Variants in DENND1A observed in about 807,000 individuals in gnomAD.
The protein encoded by DENND1A is DENN domain-containing protein 1A.
A neutral mutation model predicts 113.7 loss-of-function variants in DENND1A; 51 were observed. The observed-to-expected ratio is 0.45, with a 90% CI of 0.36 to 0.57. The LOEUF is 0.57. Ranked by LOEUF, DENND1A falls within the 20% of genes least tolerant of loss-of-function variation. The pLI is 0.00. For missense variants in DENND1A, 1,258 were observed against 1,395.9 expected (o/e 0.90, Z 1.57); for synonymous variants, 565 against 570.8 (o/e 0.99, Z 0.14).
intron 13 of DENND1A, among the ~76,000 whole-genome samples, chr9:123,511,675 C>T (rs752676605): frequency 5.3e-5 from 8 of 152,192 alleles, no homozygotes; most frequent in African/African-American, 7.2e-5. Flanking sequence ...CATTGAAAAA[C>T]GTGACTGATG....
chr9:123,797,870 C>A (rs1212925631), intron 2 of DENND1A, among the ~76,000 whole-genome samples: 1 of 151,714 alleles, frequency 6.6e-6, no homozygotes, highest in South Asian at 2.1e-4. Context: ...AAAAATTACT[C>A]TTTTCAAAAA....
intron 9 of DENND1A, among the ~76,000 whole-genome samples, chr9:123,634,277 T>C (rs1476216465): frequency 6.6e-6 from 1 of 152,242 alleles, no homozygotes; most frequent in Non-Finnish European, 1.5e-5. Context: ...GTGGGTTTTC[T>C]AAGGGCCAAA....
intron 19 of DENND1A, among the ~76,000 whole-genome samples, chr9:123,415,041 G>A (rs2044609918): frequency 6.6e-6 from 1 of 152,158 alleles, no homozygotes; most frequent in East Asian, 1.9e-4. Context: ...TGGCTGTTTT[G>A]CAACTGAATT....
intron 2 of DENND1A, among the ~76,000 whole-genome samples, chr9:123,848,162 A>C (rs188814238): frequency 7.3e-5 from 11 of 150,972 alleles, no homozygotes; most frequent in African/African-American, 2.4e-4. Flanking sequence ...AACATGCAAA[A>C]ATTTCTCAGA....
intron 2 of DENND1A, chr9:123,798,196 T>G (rs756037148): frequency 5.3e-5 from 8 of 152,182 alleles, no homozygotes; most frequent in Non-Finnish European, 1.0e-4. Context: ...TAGGAACAGT[T>G]AACCATCAAC....
At chr9:123,902,161 TCACA>T in intron 1 of DENND1A, among the ~76,000 whole-genome samples, 1 of 128,240 alleles carries the variant, frequency 7.8e-6, no homozygotes, top group East Asian at 2.1e-4. Context: ...TACTCATGGG[TCACA>T]CACACACATA....
rs1171815064 is a variant in DENND1A, at chr9:123,382,021, TGGG to T, written c.2621_2623del (p.Pro874del). 3 of 868,064 alleles carry T rather than the reference TGGG, an allele frequency of 3.5e-6. No individual in the cohort carries two copies. The highest frequency in any genetic ancestry group is 4.8e-5 in the South Asian group (2 of 41,520). 53.8% of individuals were successfully genotyped at this position (868,064 alleles called of 1,614,324 possible). A position where few individuals can be genotyped will look rare whatever the true frequency, so the allele number is the denominator to read the frequency against. On this transcript the variant is annotated inframe_deletion, in exon 24 of 24. Coordinates refer to ENST00000394215, the MANE Select transcript of DENND1A (RefSeq NM_001352964.2). ...TGTCCCTGCAGGGGGGAAGCTGAAT[TGGG>T]GGGTGAATGGGGTGGCTACATTCGG...
chr9:123,869,278 A>G (rs1262966799), intron 2 of DENND1A, among the ~76,000 whole-genome samples: 1 of 152,344 alleles, frequency 6.6e-6, no homozygotes, highest in South Asian at 2.1e-4. Context: ...ACCAAAGCAT[A>G]CAAGTGCAAG....
chr9:123,386,749 C>T (rs1227280105), intron 22 of DENND1A, among the ~76,000 whole-genome samples: 1 of 152,164 alleles, frequency 6.6e-6, no homozygotes, highest in Non-Finnish European at 1.5e-5. Context: ...CAGTGACCTG[C>T]TGGCAGGAAA....
chr9:123,739,303 A>T (rs955506705), intron 5 of DENND1A, among the ~76,000 whole-genome samples: 3 of 152,182 alleles, frequency 2.0e-5, no homozygotes, highest in Non-Finnish European at 4.4e-5. Context: ...AGAAAGACAG[A>T]GAGGGAAAAT....
intron 5 of DENND1A, among the ~76,000 whole-genome samples, chr9:123,697,974 T>A (rs1401768576): frequency 6.6e-6 from 1 of 152,222 alleles, no homozygotes; most frequent in Non-Finnish European, 1.5e-5. Flanking sequence ...CCACTTTTGC[T>A]GTCAACAACA....
At chr9:123,795,222 G>C (rs981760271) in intron 2 of DENND1A, among the ~76,000 whole-genome samples, 2 of 152,172 alleles carry the variant, frequency 1.3e-5, no homozygotes, top group African/African-American at 4.8e-5. Context: ...CATTCAATTA[G>C]CTCAAAGATT....
At chr9:123,390,999 C>T (rs953243935) in intron 21 of DENND1A, among the ~76,000 whole-genome samples, 9 of 152,374 alleles carry the variant, frequency 5.9e-5, no homozygotes, top group Middle Eastern at 3.4e-3. Flanking sequence ...GGAACCTCTG[C>T]GCTGGGCTGT....
At chr9:123,706,598 G>A (rs1475367336) in intron 5 of DENND1A, among the ~76,000 whole-genome samples, 4 of 150,848 alleles carry the variant, frequency 2.7e-5, no homozygotes, top group African/African-American at 7.3e-5. Context: ...AGCGAAACCC[G>A]GTCTCTACTA....
At chr9:123,919,831 G>A (rs922319101) in intron 1 of DENND1A, among the ~76,000 whole-genome samples, 23 of 147,630 alleles carry the variant, frequency 1.6e-4, no homozygotes, top group Admixed American at 1.4e-4. Flanking sequence ...GCAGCGTGCC[G>A]AGATTGCATC....
At chr9:123,866,434 C>T (rs796808150) in intron 2 of DENND1A, among the ~76,000 whole-genome samples, 2 of 152,288 alleles carry the variant, frequency 1.3e-5, no homozygotes, top group African/African-American at 4.8e-5. Context: ...TCTACATTTT[C>T]TGAAAAAGAA....
At position 123,557,543 on chromosome 9, in the gene DENND1A, G is replaced by A. The variant is rs762454389; in HGVS notation, c.993+27C>T. 62 of 1,612,124 alleles carry A rather than the reference G, an allele frequency of 3.8e-5. No homozygotes were observed. The Admixed American group carries it at 1.0e-3, about 26-fold the overall frequency. ...GCTTCTCAGCCCTGACCAAACACAGGCTCTGTGACATGCCAAGGCTACTCA... is the reference window on the plus strand; with the variant it reads ...GCTTCTCAGCCCTGACCAAACACAGACTCTGTGACATGCCAAGGCTACTCA... On this transcript the variant is annotated intron_variant, in intron 13 of 23. Coordinates refer to ENST00000394215, the MANE Select transcript of DENND1A (RefSeq NM_001352964.2).
intron 13 of DENND1A, among the ~76,000 whole-genome samples, chr9:123,492,341 G>C (rs1437587007): frequency 6.6e-6 from 1 of 152,206 alleles, no homozygotes; most frequent in African/African-American, 2.4e-5. Context: ...AGAGAGGGAG[G>C]GAAGCGTGTG....
At chr9:123,856,430 G>C (rs1052286312) in intron 2 of DENND1A, among the ~76,000 whole-genome samples, 5 of 152,136 alleles carry the variant, frequency 3.3e-5, no homozygotes, top group Non-Finnish European at 1.5e-5. Context: ...AGCCCAAGCA[G>C]GGATACACAG....
Sources: gnomAD v4.1 joint callset for allele counts (sites outside exome capture counted in the v4.1 genomes callset) on GRCh38, gnomAD v4.1.1 for gene constraint, MANE v1.5 for transcripts, NCBI Gene and HGNC (gene_info 2026-07-23, HGNC 2026-07-21) for gene names.